Variants in PAK5 observed in about 807,000 individuals in gnomAD.
The protein encoded by PAK5 is serine/threonine-protein kinase PAK 5.
Under a neutral mutation model 65.9 loss-of-function variants are expected in PAK5, and 16 were observed. The ratio of observed to expected loss-of-function variants is 0.24; its 90% CI spans 0.16 to 0.37. PAK5 has a LOEUF of 0.37. Ranked by LOEUF, PAK5 falls within the 10% of genes least tolerant of loss-of-function variation. PAK5 has a pLI of 1.00. For synonymous variants in PAK5, 371 were observed against 354.9 expected, an observed-to-expected ratio of 1.05 and a Z score of -0.51; for missense variants, 785 against 903.9, an observed-to-expected ratio of 0.87 and a Z score of 1.69.
At chr20:9,797,611 G>A (rs548608692) in intron 1 of PAK5, among the ~76,000 whole-genome samples, 9 of 151,402 alleles carry the variant, frequency 5.9e-5, no homozygotes, top group African/African-American at 1.7e-4. Context: ...AAACTTGCCC[G>A]TTGTGCACAT....
intron 2 of PAK5, among the ~76,000 whole-genome samples, chr20:9,685,961 G>T (rs1053025660): frequency 4.6e-5 from 7 of 152,136 alleles, no homozygotes; most frequent in African/African-American, 1.7e-4. Flanking sequence ...GCAAAGTGTT[G>T]CTACATGCAA....
intron 2 of PAK5, among the ~76,000 whole-genome samples, chr20:9,691,122 C>T (rs2047791256): frequency 6.6e-6 from 1 of 152,146 alleles, no homozygotes; most frequent in African/African-American, 2.4e-5. Context: ...GGCATATAGG[C>T]AGGGCAACAA....
chr20:9,672,231 T>G (rs2047509756), intron 2 of PAK5, among the ~76,000 whole-genome samples: 1 of 151,436 alleles, frequency 6.6e-6, no homozygotes, highest in Non-Finnish European at 1.5e-5. Flanking sequence ...TACATGACAA[T>G]AACTGGAAAT....
chr20:9,633,109 G>A (rs2123233231), intron 3 of PAK5, among the ~76,000 whole-genome samples: 1 of 152,308 alleles, frequency 6.6e-6, no homozygotes, highest in South Asian at 2.1e-4. Flanking sequence ...TTCATACAAT[G>A]AGGTTGGGGC....
At chr20:9,607,709 C>G (rs1013536472) in intron 3 of PAK5, among the ~76,000 whole-genome samples, 6 of 151,934 alleles carry the variant, frequency 3.9e-5, no homozygotes, top group Admixed American at 3.9e-4. Context: ...GCCTGCAGTC[C>G]CAGCTACTCC....
chr20:9,663,230 A>G (rs1388571091), intron 2 of PAK5, among the ~76,000 whole-genome samples: 1 of 152,110 alleles, frequency 6.6e-6, no homozygotes, highest in Non-Finnish European at 1.5e-5. Context: ...CCCAACCTTG[A>G]TTTTAGTCTA....
At chr20:9,706,658 CTT>C (rs60683209) in intron 2 of PAK5, among the ~76,000 whole-genome samples, 8 of 141,456 alleles carry the variant, frequency 5.7e-5, no homozygotes, top group Non-Finnish European at 4.7e-5. Flanking sequence ...TTTGTTTTTT[CTT>C]TTTTTTTTTT....
intron 3 of PAK5, among the ~76,000 whole-genome samples, chr20:9,632,919 G>T (rs188739411): frequency 6.6e-6 from 1 of 152,270 alleles, no homozygotes; most frequent in Non-Finnish European, 1.5e-5. Context: ...TTTGAGTCCT[G>T]GGCCTTTCCA....
At chr20:9,686,915 A>T (rs2047726736) in intron 2 of PAK5, among the ~76,000 whole-genome samples, 1 of 152,204 alleles carries the variant, frequency 6.6e-6, no homozygotes, top group South Asian at 2.1e-4. Flanking sequence ...AAAGAGAAGA[A>T]AGCTAATTAA....
chr20:9,747,445 T>C lies in PAK5; in HGVS notation c.-161-36010A>G, dbSNP rs1179721675. Among the ~76,000 whole-genome samples, 3 of 151,706 alleles carry C rather than the reference T, an allele frequency of 2.0e-5. No individual in the cohort carries two copies. In the East Asian group the frequency reaches 5.8e-4, roughly 29 times the overall value. On this transcript the variant is annotated intron_variant, in intron 1 of 9. Transcript: ENST00000353224. The stretch of plus-strand genomic sequence containing the variant: ...GATGCAAAAATCCTCAGTAAAATAC[T>C]GGCAAACCGAATCCAGCAGCACATC...
chr20:9,546,978 A>T (rs549130177), intron 7 of PAK5, among the ~76,000 whole-genome samples: 9 of 152,336 alleles, frequency 5.9e-5, no homozygotes, highest in African/African-American at 1.9e-4. Flanking sequence ...CATCCATCCA[A>T]AGTGCAGAAT....
chr20:9,710,575 G>C (rs1459265689), intron 2 of PAK5, among the ~76,000 whole-genome samples: 1 of 152,172 alleles, frequency 6.6e-6, no homozygotes, highest in Non-Finnish European at 1.5e-5. Flanking sequence ...CAAGTCAGCA[G>C]TATCTTTTAT....
intron 1 of PAK5, among the ~76,000 whole-genome samples, chr20:9,799,311 A>T (rs2049140874): frequency 6.6e-6 from 1 of 152,142 alleles, no homozygotes; most frequent in South Asian, 2.1e-4. Flanking sequence ...AATAGGTGAC[A>T]ATCGTATCTT....
At chr20:9,828,506 A>G (rs1978456342) in intron 1 of PAK5, among the ~76,000 whole-genome samples, 1 of 152,210 alleles carries the variant, frequency 6.6e-6, no homozygotes, top group African/African-American at 2.4e-5. Flanking sequence ...TAGAGGAAGA[A>G]TCTTTCTTTT....
rs144322715 is a variant in PAK5 at position 9,697,745 on chromosome 20, T to C, written c.-12+13541A>G. 1.8e-4 allele frequency among the ~76,000 whole-genome samples: 28 copies of C among 152,280 alleles called. No individual in the cohort carries two copies. In the East Asian group the frequency reaches 4.6e-3, roughly 25 times the overall value. Reference sequence around the variant, plus strand: ...ATTAGTCTGTAGAACATATTAGGCATAATTATGACTTATTTTAAAAAGGAA... The same window carrying C: ...ATTAGTCTGTAGAACATATTAGGCACAATTATGACTTATTTTAAAAAGGAA... On this transcript the variant is annotated intron_variant, in intron 2 of 9. Transcript: ENST00000353224.
chr20:9,610,945 C>T (rs1211743485), intron 3 of PAK5, among the ~76,000 whole-genome samples: 1 of 152,176 alleles, frequency 6.6e-6, no homozygotes, highest in African/African-American at 2.4e-5. Flanking sequence ...CCCTTTTGGC[C>T]TTTTTGTCCT....
chr20:9,641,155 G>A (rs371050678), intron 3 of PAK5, among the ~76,000 whole-genome samples: 6 of 151,844 alleles, frequency 4.0e-5, no homozygotes, highest in Non-Finnish European at 7.4e-5. Context: ...ACAGAGTTTC[G>A]ACACACAGGT....
chr20:9,617,755 C>G (rs1357427047), intron 3 of PAK5, among the ~76,000 whole-genome samples: 1 of 151,838 alleles, frequency 6.6e-6, no homozygotes, highest in Non-Finnish European at 1.5e-5. Flanking sequence ...CGGGGTTTCA[C>G]CGTGTTAGCC....
At chr20:9,787,159 G>A (rs548563135) in intron 1 of PAK5, among the ~76,000 whole-genome samples, 45 of 152,278 alleles carry the variant, frequency 3.0e-4, no homozygotes, top group African/African-American at 9.1e-4. Flanking sequence ...AGCATGAAGT[G>A]AAACATTCTG....
Sources: allele counts gnomAD v4.1 joint callset (sites outside exome capture counted in the v4.1 genomes callset), GRCh38; gene constraint gnomAD v4.1.1; transcripts MANE v1.5; gene names NCBI Gene and HGNC (gene_info 2026-07-23, HGNC 2026-07-21).